Variants in MKLN1 observed in about 807,000 individuals in gnomAD.
MKLN1 encodes muskelin 1.
MKLN1 carries 18 observed loss-of-function variants against 99.0 expected under a neutral mutation model. The ratio of observed to expected loss-of-function variants is 0.18; its 90% CI spans 0.13 to 0.27. The LOEUF (loss-of-function observed/expected upper bound fraction) is 0.27, where lower values mean the gene tolerates loss of function less well. Ranked by LOEUF, MKLN1 falls within the 10% of genes least tolerant of loss-of-function variation. The pLI, the probability that MKLN1 is intolerant of heterozygous loss-of-function variation, is 1.00. For missense variants in MKLN1, 621 were observed against 875.9 expected, an observed-to-expected ratio of 0.71 and a Z score of 3.67; for synonymous variants, 288 against 293.2, an observed-to-expected ratio of 0.98 and a Z score of 0.18.
At chr7:131,376,113 T>C (rs1348890286) in intron 2 of MKLN1, among the ~76,000 whole-genome samples, 1 of 216 alleles carries the variant, frequency 4.6e-3, no homozygotes, top group Non-Finnish European at 9.4e-3. Flanking sequence ...TATATATATA[T>C]ATATATATAT....
intron 2 of MKLN1, among the ~76,000 whole-genome samples, chr7:131,170,410 T>G (rs1180442385): frequency 6.6e-6 from 1 of 152,152 alleles, no homozygotes; most frequent in Non-Finnish European, 1.5e-5. Flanking sequence ...AAAATAACAT[T>G]TTTTGAAGGA....
intron 1 of MKLN1, among the ~76,000 whole-genome samples, chr7:131,128,049 T>G (rs1436334874): frequency 6.6e-6 from 1 of 152,082 alleles, no homozygotes; most frequent in Non-Finnish European, 1.5e-5. Context: ...GTGGAACTCA[T>G]GTTGAAGAAG....
At position 131,194,003 on chromosome 7, in the gene MKLN1, GTT is replaced by G. The variant is rs71168387; in HGVS notation, c.-296-8838_-296-8837del. On this transcript the variant is annotated intron_variant, in intron 2 of 7. Transcript: ENST00000416992. ...TTATTTATTTTTCTTGCTTTGTTTT[GTT>G]TTTTTTTTTTTTTTTCCAGAAACAG... Among the ~76,000 whole-genome samples, 102 of 128,250 alleles carry G rather than the reference GTT, an allele frequency of 8.0e-4. 1 individual carries two copies. The highest frequency in any genetic ancestry group is 4.1e-3 in the Middle Eastern group (1 of 246). 84.1% of individuals were successfully genotyped at this position (128,250 alleles called of 152,430 possible).
chr7:131,179,627 T>G (rs956527865), intron 2 of MKLN1, among the ~76,000 whole-genome samples: 71 of 152,062 alleles, frequency 4.7e-4, no homozygotes, highest in Non-Finnish European at 8.4e-4. Flanking sequence ...CAGGCTGGAG[T>G]GCAGTGGTGC....
At chr7:131,302,883 T>G (rs538093402) in intron 3 of MKLN1, among the ~76,000 whole-genome samples, 1 of 152,214 alleles carries the variant, frequency 6.6e-6, no homozygotes, top group Non-Finnish European at 1.5e-5. Flanking sequence ...GTTTGACAGG[T>G]TCAATGAGAA....
chr7:131,199,988 G>A (rs1796703998), intron 2 of MKLN1, among the ~76,000 whole-genome samples: 1 of 152,146 alleles, frequency 6.6e-6, no homozygotes, highest in Non-Finnish European at 1.5e-5. Context: ...GTGAGCCACT[G>A]CACCCAGCCT....
At chr7:131,430,497 T>C (rs1795492142) in intron 9 of MKLN1, among the ~76,000 whole-genome samples, 1 of 152,168 alleles carries the variant, frequency 6.6e-6, no homozygotes, top group East Asian at 1.9e-4. Flanking sequence ...TAAAGTATTG[T>C]AAATCTAAGG....
chr7:131,320,784 A>G (rs1391689077), intron 3 of MKLN1, among the ~76,000 whole-genome samples: 1 of 152,230 alleles, frequency 6.6e-6, no homozygotes, highest in African/African-American at 2.4e-5. Context: ...ATGAACAGAC[A>G]CTTCCAGAAG....
Position 131,341,949 on chromosome 7 carries a change from T to TG in MKLN1, c.98+13957dup, listed in dbSNP as rs551097799. ...CAGGAACCAGTACTGGTCTGTGGCC[T>TG]GGGGGTTTGGGATCCCTGCATTAGT... On this transcript the variant is annotated intron_variant, in intron 1 of 17. Coordinates refer to ENST00000352689, the MANE Select transcript of MKLN1 (RefSeq NM_013255.5). 5.2e-3 allele frequency among the ~76,000 whole-genome samples: 787 copies of TG among 152,312 alleles called. 3 individuals are homozygous for TG. Among genetic ancestry groups the TG allele is most frequent in the Non-Finnish European group, 9.1e-3 (618 of 68,020 alleles).
chr7:131,310,915 T>C (rs1431240835), intron 3 of MKLN1: 2 of 152,152 alleles, frequency 1.3e-5, no homozygotes, highest in African/African-American at 4.8e-5. Flanking sequence ...CACAAAGGTA[T>C]TTTTACCCAA....
At chr7:131,370,175 C>T (rs1800303645) in intron 1 of MKLN1, among the ~76,000 whole-genome samples, 1 of 152,134 alleles carries the variant, frequency 6.6e-6, no homozygotes, top group African/African-American at 2.4e-5. Flanking sequence ...CAGGAGTTAA[C>T]TTTCTTCTGA....
At chr7:131,161,237 T>C (rs78144095) in intron 2 of MKLN1, among the ~76,000 whole-genome samples, 15,062 of 152,198 alleles carry the variant, frequency 0.099, 893 homozygotes, top group South Asian at 0.18. Flanking sequence ...AACAATAACA[T>C]CCATGATGAT....
intron 1 of MKLN1, among the ~76,000 whole-genome samples, chr7:131,364,970 G>A (rs536860416): frequency 7.9e-5 from 12 of 152,202 alleles, no homozygotes; most frequent in African/African-American, 2.9e-4. Context: ...CTATTCCTCT[G>A]GGTACCTCCC....
chr7:131,415,959 G>A (rs1795005055), intron 8 of MKLN1, among the ~76,000 whole-genome samples: 1 of 151,708 alleles, frequency 6.6e-6, no homozygotes, highest in African/African-American at 2.4e-5. Context: ...CCCCTCCCCT[G>A]CCCAACCTTT....
intron 1 of MKLN1, among the ~76,000 whole-genome samples, chr7:131,330,602 A>G (rs1040533165): frequency 2.3e-4 from 35 of 152,190 alleles, no homozygotes; most frequent in African/African-American, 8.0e-4. Flanking sequence ...GTCTTTAACT[A>G]TAGTGTTTTA....
intron 4 of MKLN1, among the ~76,000 whole-genome samples, chr7:131,395,672 T>C (rs946457559): frequency 1.3e-5 from 2 of 151,634 alleles, no homozygotes; most frequent in Non-Finnish European, 2.9e-5. Flanking sequence ...GTGTTTATTA[T>C]GTTATTTTGA....
At chr7:131,369,965 T>C (rs1290058095) in intron 1 of MKLN1, among the ~76,000 whole-genome samples, 1 of 152,194 alleles carries the variant, frequency 6.6e-6, no homozygotes, top group Non-Finnish European at 1.5e-5. Context: ...GCCTCCCAGG[T>C]AGCTGGGATT....
chr7:131,367,759 C>T (rs1221455216), intron 1 of MKLN1, among the ~76,000 whole-genome samples: 1 of 152,060 alleles, frequency 6.6e-6, no homozygotes, highest in African/African-American at 2.4e-5. Context: ...TATACTGGCC[C>T]ATCCCATCTC....
At chr7:131,221,479 A>T (rs1442221610) in intron 3 of MKLN1, among the ~76,000 whole-genome samples, 4 of 148,310 alleles carry the variant, frequency 2.7e-5, no homozygotes, top group Non-Finnish European at 4.5e-5. Flanking sequence ...TGAGGTTTCC[A>T]TTCTGGAGAT....
Sources: gnomAD v4.1 joint callset for allele counts (sites outside exome capture counted in the v4.1 genomes callset) on GRCh38, gnomAD v4.1.1 for gene constraint, MANE v1.5 for transcripts, NCBI Gene and HGNC (gene_info 2026-07-23, HGNC 2026-07-21) for gene names.